NKAIN3: variants seen among roughly 807,000 people sequenced by gnomAD.
NKAIN3 encodes the protein sodium/potassium-transporting ATPase subunit beta-1-interacting protein 3.
In NKAIN3, 25 loss-of-function variants were observed where a neutral mutation model predicts 30.2. The observed-to-expected ratio is 0.83, with a 90% CI of 0.60 to 1.16. NKAIN3 has a LOEUF of 1.16. NKAIN3 is among the 50% of genes most tolerant of loss of function. NKAIN3 has a pLI of 0.00. For synonymous variants in NKAIN3, 91 were observed against 89.6 expected (o/e 1.02, Z -0.09); for missense variants, 225 against 254.1 (o/e 0.89, Z 0.78).
intron 5 of NKAIN3, among the ~76,000 whole-genome samples, chr8:62,938,863 T>C (rs1822864947): frequency 6.6e-6 from 1 of 152,090 alleles, no homozygotes; most frequent in East Asian, 1.9e-4. Flanking sequence ...CACCAAAAGA[T>C]CACACTAGCT....
chr8:62,530,873 G>A (rs912699686), intron 1 of NKAIN3, among the ~76,000 whole-genome samples: 3 of 151,958 alleles, frequency 2.0e-5, no homozygotes, highest in South Asian at 2.1e-4. Flanking sequence ...TTGAACTCCC[G>A]ACCTCAGGTC....
At chr8:62,401,817 G>A (rs1803882350) in intron 1 of NKAIN3, among the ~76,000 whole-genome samples, 1 of 152,136 alleles carries the variant, frequency 6.6e-6, no homozygotes, top group Non-Finnish European at 1.5e-5. Context: ...GAGCTTCTAG[G>A]GCTGGGAAAG....
rs184724418 is a variant in NKAIN3 at position 62,591,419 on chromosome 8, C to T, written c.273+1625C>T. On this transcript the variant is annotated intron_variant, in intron 3 of 6. Transcript: ENST00000623646. ...AATAGTAGTCAGTGTTTATTATACA[C>T]ATGATATGTGGTAACTCAGGTAAGC... Among the ~76,000 whole-genome samples, 224 of 151,994 alleles carry T rather than the reference C, an allele frequency of 1.5e-3. 1 individual carries two copies. The highest frequency in any genetic ancestry group is 5.2e-3 in the African/African-American group (215 of 41,520).
At chr8:62,325,463 C>T (rs1815084150) in intron 1 of NKAIN3, among the ~76,000 whole-genome samples, 1 of 151,992 alleles carries the variant, frequency 6.6e-6, no homozygotes, top group African/African-American at 2.4e-5. Context: ...GTGTCCTTTA[C>T]ATGTAATGGC....
intron 1 of NKAIN3, among the ~76,000 whole-genome samples, chr8:62,503,009 GA>G (rs1263089161): frequency 6.6e-6 from 1 of 152,178 alleles, no homozygotes; most frequent in Non-Finnish European, 1.5e-5. Context: ...GACGTGTTGG[GA>G]ACCTGGCTGC....
intron 1 of NKAIN3, among the ~76,000 whole-genome samples, chr8:62,533,653 T>C (rs1228441954): frequency 1.3e-5 from 2 of 152,234 alleles, no homozygotes; most frequent in Admixed American, 1.3e-4. Flanking sequence ...TTTGAAAGTT[T>C]CTTAAATTTG....
At chr8:62,869,934 T>C (rs1265785536) in intron 4 of NKAIN3, among the ~76,000 whole-genome samples, 7 of 151,794 alleles carry the variant, frequency 4.6e-5, no homozygotes, top group Admixed American at 4.6e-4. Context: ...CACGCCCAGC[T>C]AATTTTTTTG....
chr8:62,896,702 T>C (rs887830878), intron 4 of NKAIN3, among the ~76,000 whole-genome samples: 1 of 152,108 alleles, frequency 6.6e-6, no homozygotes, highest in Non-Finnish European at 1.5e-5. Flanking sequence ...AATGCAGAGG[T>C]TGGTTAAGTG....
intron 1 of NKAIN3, among the ~76,000 whole-genome samples, chr8:62,324,681 T>C (rs1483185370): frequency 1.3e-5 from 2 of 152,126 alleles, no homozygotes; most frequent in East Asian, 1.9e-4. Context: ...GAAAGAACTA[T>C]ATTCCAGAAA....
At chr8:62,755,943 A>G (rs1017941960) in intron 4 of NKAIN3, among the ~76,000 whole-genome samples, 50 of 152,322 alleles carry the variant, frequency 3.3e-4, no homozygotes, top group Non-Finnish European at 6.3e-4. Context: ...TTCAGAAGCC[A>G]GGGTACACCT....
chr8:62,328,022 G>A (rs1317351249), intron 1 of NKAIN3, among the ~76,000 whole-genome samples: 1 of 151,996 alleles, frequency 6.6e-6, no homozygotes, highest in African/African-American at 2.4e-5. Flanking sequence ...AGCCATTCAT[G>A]GGGCTTTTTC....
chr8:62,613,012 T>C (rs1042397649), intron 3 of NKAIN3, among the ~76,000 whole-genome samples: 4 of 150,014 alleles, frequency 2.7e-5, no homozygotes, highest in African/African-American at 9.9e-5. Context: ...TTTTGATTGG[T>C]TCACTATTTT....
intron 3 of NKAIN3, among the ~76,000 whole-genome samples, chr8:62,663,797 G>C (rs1275695590): frequency 6.6e-6 from 1 of 152,178 alleles, no homozygotes; most frequent in African/African-American, 2.4e-5. Context: ...TAAAGGATCT[G>C]TGAATGAGTC....
At chr8:62,996,795 G>A (rs555996217) in intron 5 of NKAIN3, among the ~76,000 whole-genome samples, 2 of 152,270 alleles carry the variant, frequency 1.3e-5, no homozygotes, top group East Asian at 1.9e-4. Flanking sequence ...TTAAAGGTCC[G>A]TAATGATCTC....
chr8:62,491,794 G>A (rs951841982), intron 1 of NKAIN3, among the ~76,000 whole-genome samples: 1 of 152,066 alleles, frequency 6.6e-6, no homozygotes, highest in African/African-American at 2.4e-5. Context: ...TCCTTCATGA[G>A]TAAGGGAGAG....
chr8:62,417,042 A>G (rs1440004377), intron 1 of NKAIN3, among the ~76,000 whole-genome samples: 1 of 151,462 alleles, frequency 6.6e-6, no homozygotes, highest in Non-Finnish European at 1.5e-5. Flanking sequence ...ACCCTGTTGT[A>G]CCATCAAATA....
At chr8:62,729,646 T>C (rs1815405750) in intron 3 of NKAIN3, among the ~76,000 whole-genome samples, 1 of 152,136 alleles carries the variant, frequency 6.6e-6, no homozygotes, top group Admixed American at 6.5e-5. Flanking sequence ...TTAAACTTTG[T>C]ATAACTGAAG....
intron 5 of NKAIN3, among the ~76,000 whole-genome samples, chr8:62,938,612 C>G (rs892897405): frequency 1.3e-5 from 2 of 152,160 alleles, no homozygotes; most frequent in Non-Finnish European, 2.9e-5. Context: ...GCCCAGAGCC[C>G]GGTAGCTCTG....
At chr8:62,355,727 GA>G (rs971557340) in intron 1 of NKAIN3, among the ~76,000 whole-genome samples, 2 of 152,130 alleles carry the variant, frequency 1.3e-5, no homozygotes, top group African/African-American at 4.8e-5. Flanking sequence ...CCCGTCTCCT[GA>G]AAAAGTGTTA....
Sources: allele counts gnomAD v4.1 joint callset (sites outside exome capture counted in the v4.1 genomes callset), GRCh38; gene constraint gnomAD v4.1.1; transcripts MANE v1.5; gene names NCBI Gene and HGNC (gene_info 2026-07-23, HGNC 2026-07-21).